Variants in NELFA observed in about 807,000 individuals in gnomAD.
NELFA encodes the protein negative elongation factor complex member A.
Under a neutral mutation model 51.8 loss-of-function variants are expected in NELFA, and 35 were observed. The ratio of observed to expected loss-of-function variants is 0.68; its 90% confidence interval spans 0.52 to 0.90. The LOEUF is 0.90. Among genes scored for constraint, NELFA ranks in the 40% least tolerant of loss-of-function variants. NELFA has a pLI of 0.00. For synonymous variants in NELFA, 417 were observed against 338.4 expected (o/e 1.23, Z -2.55); for missense variants, 658 against 746.4 (o/e 0.88, Z 1.38).
At chr4:1,996,346 C>G (rs1179977242) in intron 1 of NELFA, among the ~76,000 whole-genome samples, 1 of 152,178 alleles carries the variant, frequency 6.6e-6, no homozygotes, top group African/African-American at 2.4e-5. Context: ...CTGTGACTAT[C>G]AAAACTTGTG....
chr4:1,997,399 T>C (rs544456423), intron 1 of NELFA, among the ~76,000 whole-genome samples: 1 of 152,210 alleles, frequency 6.6e-6, no homozygotes, highest in Non-Finnish European at 1.5e-5. Flanking sequence ...TAGTACAAAA[T>C]TCCTATACAA....
In NELFA at chr4:1,985,810, G is replaced by T; in HGVS notation, c.890C>A (p.Thr297Asn). ...CACCAGGCCGGCTGCGTAGTCCGGG[G>T]TGGCGTTCTCCACCACCGTTTCCTC... is the stretch of plus-strand genomic sequence containing the variant. The part of the protein sequence containing the change: ...AKEETVVENA[T>N]PDYAAGLVST... Residue 297 changes from threonine (T) to asparagine (N), a missense_variant, in exon 7 of 11, where the codon ACC becomes AAC. Physicochemically the swap from Thr to Asn is moderately conservative, Grantham distance 65. Transcript: ENST00000382882. The T allele has an allele frequency of 1.2e-6, 2 of 1,613,402 alleles. No individual in the cohort carries two copies. The highest frequency in any genetic ancestry group is 1.1e-5 in the South Asian group (1 of 91,026).
intron 4 of NELFA, among the ~76,000 whole-genome samples, chr4:1,987,157 T>C (rs1416190943): frequency 6.6e-6 from 1 of 152,122 alleles, no homozygotes; most frequent in Non-Finnish European, 1.5e-5. Flanking sequence ...CACTGTGGGA[T>C]TATGGGAGCC....
Position 2,008,810 on chromosome 4 carries a change from C to G in NELFA, c.150G>C (p.Ser50=), listed in dbSNP as rs578115706. The change falls in exon 1 of 11, where the codon TCG becomes TCC. Residue 50 remains serine, a synonymous_variant. Transcript: ENST00000382882. ...NIRLCFHGLS[S]AVKLKLLLGT... ...CGAGTAGCAACTTGAGCTTCACTGC[C>G]GACGAGAGGCCATGGAAGCAGAGAC... 2.3e-5 allele frequency: 37 copies of G among 1,612,702 alleles called. No individual in the cohort carries two copies. In the African/African-American group the frequency reaches 3.2e-4, roughly 14 times the overall value.
intron 1 of NELFA, among the ~76,000 whole-genome samples, chr4:1,993,588 AAAG>A (rs1169810331): frequency 6.6e-5 from 10 of 150,870 alleles, no homozygotes; most frequent in Non-Finnish European, 1.2e-4. Flanking sequence ...CAAAAAAAAA[AAAG>A]AAAGAAAGAA....
chr4:2,007,297 C>T (rs1728734101), intron 1 of NELFA: 1 of 191,530 alleles, frequency 5.2e-6, no homozygotes, highest in African/African-American at 2.4e-5. Flanking sequence ...GATGTTATAC[C>T]CTAGAGAAAT....
rs1473688291 is a variant in NELFA at position 1,987,975 on chromosome 4, C to T, written c.577G>A (p.Ala193Thr). 1.1e-5 allele frequency: 18 copies of T among 1,611,196 alleles called. No individual in the cohort carries two copies. Among genetic ancestry groups the T allele is most frequent in the East Asian group, 4.5e-5 (2 of 44,860 alleles). Residue 193 changes from alanine (A) to threonine (T), a missense_variant, in exon 4 of 11, where the codon GCC becomes ACC. Around this residue, in one of 3 missense-constraint regions of NELFA, gnomAD observed 371 missense variants for 448.3 expected, o/e 0.83. Coordinates refer to ENST00000382882, the MANE Select transcript of NELFA (RefSeq NM_005663.5). ...TETAQQLKRS[A>T]GVPFHAKGRG... Reference sequence around the variant, plus strand: ...CCCTTGGCGTGGAAGGGCACCCCGGCGCTCCGCTTCAACTGCTGGGCGGTC... The same window carrying T: ...CCCTTGGCGTGGAAGGGCACCCCGGTGCTCCGCTTCAACTGCTGGGCGGTC...
rs750123344 is a variant in NELFA, at chr4:1,983,668, TCTC to T, written c.1327_1329del (p.Glu443del). ...GTGACTTTGTTGGCCGTCTTGAACA[TCTC>T]CTGGGCAGCGAACATCTGCTCTCTC... On this transcript the variant is annotated inframe_deletion, in exon 10 of 11. Transcript: ENST00000382882. 5.6e-6 allele frequency: 9 copies of T among 1,613,972 alleles called. No individual in the cohort carries two copies. Among genetic ancestry groups the T allele is most frequent in the Non-Finnish European group, 7.6e-6 (9 of 1,179,972 alleles).
rs768519889 is a variant in NELFA, at chr4:1,991,776, GC to G, written c.211-62del. The G allele has an allele frequency of 3.3e-6, 5 of 1,509,418 alleles. No homozygotes were observed. In the African/African-American group the frequency reaches 7.0e-5, roughly 21 times the overall value. The allele number at this position is 1,509,418 out of a possible 1,614,324, so 93.5% of individuals were successfully genotyped here. A position where few individuals can be genotyped will look rare whatever the true frequency, so the allele number is the denominator to read the frequency against. On this transcript the variant is annotated intron_variant, in intron 1 of 10. Transcript: ENST00000382882. ...CTGCCCACTTCCAAGCCCACTCCCT[GC>G]TGAGCTTCCGGATGGGCACTGGGCA...
At chr4:1,998,878 T>C (rs1728499984) in intron 1 of NELFA, among the ~76,000 whole-genome samples, 1 of 152,058 alleles carries the variant, frequency 6.6e-6, no homozygotes, top group Non-Finnish European at 1.5e-5. Flanking sequence ...AAGGAAAAAC[T>C]GTTCAGAGCA....
At chr4:2,008,613 CG>C in intron 1 of NELFA, 136 bp downstream of exon 1, 1 of 900,302 alleles carries the variant, frequency 1.1e-6, no homozygotes, top group Non-Finnish European at 1.5e-6. Flanking sequence ...GGCGTGAGGG[CG>C]GGCCGGGGGG....
At chr4:1,985,972 G>A (rs977834715) in intron 6 of NELFA, 108 bp from the exon 7 acceptor site, 8 of 1,337,026 alleles carry the variant, frequency 6.0e-6, no homozygotes, top group East Asian at 2.5e-5. Flanking sequence ...ACCAAGGAGC[G>A]AGGAGAAAAG....
intron 1 of NELFA, 25 bp downstream of exon 1, chr4:2,008,724 GC>G (rs1728782526): frequency 6.3e-7 from 1 of 1,582,050 alleles, no homozygotes; most frequent in Non-Finnish European, 8.6e-7. Context: ...GAATCTGGGG[GC>G]CGCGGGGCGC....
intron 1 of NELFA, among the ~76,000 whole-genome samples, chr4:2,001,555 T>G (rs1013087393): frequency 6.6e-6 from 1 of 152,190 alleles, no homozygotes; most frequent in African/African-American, 2.4e-5. Flanking sequence ...GGAATACAGC[T>G]AACAAGGGAT....
In NELFA at chr4:1,984,816, G is replaced by A. The variant is rs1167333101; in HGVS notation, c.1028C>T (p.Thr343Met). ...GGGGCCAGCAGACTCACCTGGGGGC[G>A]TCTCGGAGCTGGGGATGTAGGAGGA... The part of the protein sequence containing the change: ...PASSYIPSSE[T>M]PPAPSSREAS... Residue 343 changes from threonine (T) to methionine (M), a missense_variant, in exon 8 of 11, where the codon ACG (threonine) becomes ATG (methionine). By Grantham distance (81) the Thr-to-Met change is moderately conservative. Transcript: ENST00000382882. The A allele has an allele frequency of 2.0e-5, 31 of 1,562,056 alleles. 1 individual carries two copies. The highest frequency in any genetic ancestry group is 1.9e-4 in the East Asian group (8 of 42,100).
At chr4:1,994,907 G>A (rs1728381598) in intron 1 of NELFA, among the ~76,000 whole-genome samples, 1 of 152,074 alleles carries the variant, frequency 6.6e-6, no homozygotes, top group African/African-American at 2.4e-5. Context: ...TGAACTGGTT[G>A]TAGAATTTCA....
intron 1 of NELFA, among the ~76,000 whole-genome samples, chr4:2,007,489 G>T (rs145711912): frequency 6.6e-6 from 1 of 152,156 alleles, no homozygotes; most frequent in Non-Finnish European, 1.5e-5. Flanking sequence ...AAACTGTCAC[G>T]GCGTCGACCA....
intron 1 of NELFA, chr4:1,992,435 G>A (rs1414277022): frequency 1.6e-5 from 7 of 424,286 alleles, no homozygotes; most frequent in Admixed American, 1.6e-4. Flanking sequence ...ACCAGGGCCT[G>A]CTTCGGCCAC....
chr4:2,008,127 G>T (rs918478305), intron 1 of NELFA: 67 of 437,976 alleles, frequency 1.5e-4, no homozygotes, highest in Non-Finnish European at 2.5e-4. Context: ...TCACGCGGGG[G>T]TTTCTCTCGG....
Sources: gnomAD v4.1 joint callset for allele counts (sites outside exome capture counted in the v4.1 genomes callset) on GRCh38, gnomAD v4.1.1 for gene constraint, gnomAD v4.1.1 regional missense constraint, MANE v1.5 for transcripts, NCBI Gene and HGNC (gene_info 2026-07-23, HGNC 2026-07-21) for gene names.